The following RCAN2 variants were observed in gnomAD, a reference collection of about 807,000 sequenced individuals.
The protein encoded by RCAN2 is calcipressin-2.
A neutral mutation model predicts 23.6 loss-of-function variants in RCAN2; 9 were observed. The observed-to-expected ratio is 0.38, with a 90% CI of 0.23 to 0.67. The LOEUF is 0.67. RCAN2 is among the 30% of genes least tolerant of loss of function. RCAN2 has a pLI of 0.51. For missense variants in RCAN2, 273 were observed against 302.3 expected (o/e 0.90, Z 0.72); for synonymous variants, 109 against 115.7 (o/e 0.94, Z 0.37).
chr6:46,385,703 A>T (rs1294973340), intron 2 of RCAN2, among the ~76,000 whole-genome samples: 4 of 151,872 alleles, frequency 2.6e-5, no homozygotes, highest in Admixed American at 2.6e-4. Flanking sequence ...CTAAAAATAC[A>T]AAAATTAGCA....
At chr6:46,301,787 A>AG (rs1387424886) in intron 2 of RCAN2, among the ~76,000 whole-genome samples, 2 of 152,080 alleles carry the variant, frequency 1.3e-5, no homozygotes, top group Non-Finnish European at 2.9e-5. Flanking sequence ...AGATAATTCC[A>AG]GGAGGGAAAG....
chr6:46,331,720 G>T (rs1216909010), intron 2 of RCAN2, among the ~76,000 whole-genome samples: 2 of 152,110 alleles, frequency 1.3e-5, no homozygotes, highest in Non-Finnish European at 2.9e-5. Context: ...ACTGGGTTGG[G>T]TATTGTTTAT....
intron 4 of RCAN2, among the ~76,000 whole-genome samples, chr6:46,236,909 A>T (rs1287788364): frequency 2.0e-5 from 3 of 152,194 alleles, no homozygotes; most frequent in Non-Finnish European, 2.9e-5. Context: ...CTTGGCATGA[A>T]ATAGATCTTT....
chr6:46,380,123 G>A (rs73453028), intron 2 of RCAN2, among the ~76,000 whole-genome samples: 4,905 of 152,224 alleles, frequency 0.032, 248 homozygotes, highest in African/African-American at 0.11. Context: ...TTTGGCATTA[G>A]ATATGCTTTA....
chr6:46,321,057 A>G (rs1317739951), intron 2 of RCAN2, among the ~76,000 whole-genome samples: 3 of 152,164 alleles, frequency 2.0e-5, no homozygotes, highest in Non-Finnish European at 2.9e-5. Flanking sequence ...TATTCACTCT[A>G]TGTGGAATGA....
rs74295413 is a variant in RCAN2, at chr6:46,383,795, C to G, written c.225+72957G>C. 5.4e-4 allele frequency among the ~76,000 whole-genome samples: 82 copies of G among 152,288 alleles called. No individual in the cohort carries two copies. The East Asian group carries it at 0.014, about 27-fold the overall frequency. On this transcript the variant is annotated intron_variant, in intron 2 of 4. Coordinates refer to ENST00000371374, the MANE Select transcript of RCAN2 (RefSeq NM_001251974.2). ...TCACAGAAAGTTCTGATGGGCAGTA[C>G]TATTCTGGAAGGTAAGAATTATCTC...
At chr6:46,388,285 T>G (rs1037147550) in intron 2 of RCAN2, among the ~76,000 whole-genome samples, 2 of 151,260 alleles carry the variant, frequency 1.3e-5, no homozygotes, top group Non-Finnish European at 2.9e-5. Flanking sequence ...ATAAATAAAT[T>G]TTAAAAAAAA....
intron 2 of RCAN2, among the ~76,000 whole-genome samples, chr6:46,313,646 C>A (rs778220703): frequency 2.3e-4 from 35 of 152,296 alleles, no homozygotes; most frequent in African/African-American, 7.2e-4. Flanking sequence ...AAGAACTATA[C>A]AATCATAACG....
At chr6:46,321,176 C>T (rs1263253978) in intron 2 of RCAN2, among the ~76,000 whole-genome samples, 1 of 152,164 alleles carries the variant, frequency 6.6e-6, no homozygotes, top group Non-Finnish European at 1.5e-5. Context: ...TTTCCAATGG[C>T]AATCTTTTCA....
intron 2 of RCAN2, among the ~76,000 whole-genome samples, chr6:46,454,095 CT>C (rs550032571): frequency 5.3e-5 from 8 of 152,284 alleles, no homozygotes; most frequent in Non-Finnish European, 1.2e-4. Context: ...TCTTTTCCCC[CT>C]GCCTAAAAAT....
chr6:46,345,059 A>C (rs976577143), intron 2 of RCAN2, among the ~76,000 whole-genome samples: 1 of 152,092 alleles, frequency 6.6e-6, no homozygotes, highest in Non-Finnish European at 1.5e-5. Context: ...GACTGGTTGA[A>C]AGTAAAAATT....
At chr6:46,386,923 A>G (rs1341815788) in intron 2 of RCAN2, among the ~76,000 whole-genome samples, 2 of 152,214 alleles carry the variant, frequency 1.3e-5, no homozygotes, top group African/African-American at 4.8e-5. Context: ...AATGGAACAG[A>G]ACAGAGCCCT....
chr6:46,357,951 C>G (rs943813288), intron 2 of RCAN2, among the ~76,000 whole-genome samples: 2 of 152,190 alleles, frequency 1.3e-5, no homozygotes, highest in Non-Finnish European at 2.9e-5. Flanking sequence ...ATTATCTTTC[C>G]TTTCCCTCAC....
chr6:46,345,938 C>T (rs1764469355), intron 2 of RCAN2, among the ~76,000 whole-genome samples: 1 of 152,010 alleles, frequency 6.6e-6, no homozygotes, highest in South Asian at 2.1e-4. Flanking sequence ...ATTTTAAAAA[C>T]CTCTCAGTTG....
intron 2 of RCAN2, among the ~76,000 whole-genome samples, chr6:46,331,216 G>T (rs1763959368): frequency 6.6e-6 from 1 of 151,856 alleles, no homozygotes; most frequent in East Asian, 1.9e-4. Context: ...GAGATATGTT[G>T]CCCAGGCTGG....
At chr6:46,465,154 C>T (rs918687587) in intron 1 of RCAN2, among the ~76,000 whole-genome samples, 1 of 152,110 alleles carries the variant, frequency 6.6e-6, no homozygotes, top group Admixed American at 6.6e-5. Flanking sequence ...GCATTTCAAA[C>T]AGGTTTGCTG....
intron 4 of RCAN2, among the ~76,000 whole-genome samples, chr6:46,237,760 T>C (rs1766155180): frequency 6.6e-6 from 1 of 152,246 alleles, no homozygotes; most frequent in Admixed American, 6.5e-5. Context: ...ACAAATATGC[T>C]ATGCGCTTCT....
intron 1 of RCAN2, among the ~76,000 whole-genome samples, chr6:46,467,014 G>A (rs962899813): frequency 2.6e-5 from 4 of 151,926 alleles, no homozygotes; most frequent in Admixed American, 6.6e-5. Context: ...TTCATACCCC[G>A]CTCTCAGCCC....
intron 2 of RCAN2, among the ~76,000 whole-genome samples, chr6:46,304,700 T>G (rs1024696106): frequency 6.6e-6 from 1 of 151,440 alleles, no homozygotes; most frequent in East Asian, 1.9e-4. Context: ...TTTTAGGAGG[T>G]GGAGAGGAGG....
Sources: gnomAD v4.1 joint callset for allele counts (sites outside exome capture counted in the v4.1 genomes callset) on GRCh38, gnomAD v4.1.1 for gene constraint, MANE v1.5 for transcripts, NCBI Gene and HGNC (gene_info 2026-07-23, HGNC 2026-07-21) for gene names.